The following AGBL1 variants were observed in gnomAD, a reference collection of about 807,000 sequenced individuals.
AGBL1 encodes the protein AGBL carboxypeptidase 1, also known as cytosolic carboxypeptidase 4.
A neutral mutation model predicts 118.9 loss-of-function variants in AGBL1; 130 were observed. That is an observed-to-expected ratio of 1.09 (90% CI 0.95 to 1.26). The LOEUF (loss-of-function observed/expected upper bound fraction) is 1.26. Among genes scored for constraint, AGBL1 ranks in the 50% most tolerant of loss-of-function variants. The pLI is 0.00. For synonymous variants in AGBL1, 555 were observed against 478.9 expected, an observed-to-expected ratio of 1.16 and a Z score of -2.08; for missense variants, 1,584 against 1,298.1, an observed-to-expected ratio of 1.22 and a Z score of -3.38.
intron 22 of AGBL1, among the ~76,000 whole-genome samples, chr15:86,700,893 G>A (rs1301478896): frequency 1.3e-5 from 2 of 152,026 alleles, no homozygotes; most frequent in African/African-American, 2.4e-5. Flanking sequence ...TGTTCATGTG[G>A]TCTCCACAAA....
At chr15:86,314,315 T>TA (rs1248819929) in intron 17 of AGBL1, among the ~76,000 whole-genome samples, 1 of 152,176 alleles carries the variant, frequency 6.6e-6, no homozygotes, top group Non-Finnish European at 1.5e-5. Flanking sequence ...TAGTTCTGTT[T>TA]AGTTATTTTT....
At chr15:86,164,257 G>C (rs1386796641) in intron 5 of AGBL1, among the ~76,000 whole-genome samples, 1 of 152,148 alleles carries the variant, frequency 6.6e-6, no homozygotes, top group East Asian at 1.9e-4. Context: ...CTTTTCTGGG[G>C]GTGCTTTTTA....
chr15:86,285,813 G>A (rs546200721), intron 16 of AGBL1, among the ~76,000 whole-genome samples: 15 of 152,126 alleles, frequency 9.9e-5, no homozygotes, highest in South Asian at 4.2e-4. Flanking sequence ...GCTTTGCCTC[G>A]TCCAACATTT....
At chr15:86,087,432 G>A (rs1024318752) in intron 1 of AGBL1, among the ~76,000 whole-genome samples, 1 of 151,426 alleles carries the variant, frequency 6.6e-6, no homozygotes, top group African/African-American at 2.4e-5. Flanking sequence ...ACATTCAAGC[G>A]ATTCTCCTGC....
chr15:86,367,118 GACAAA>G (rs2080899607), intron 17 of AGBL1, among the ~76,000 whole-genome samples: 1 of 152,156 alleles, frequency 6.6e-6, no homozygotes, highest in Non-Finnish European at 1.5e-5. Context: ...AGAACCAAGT[GACAAA>G]ACCCAATTGA....
At chr15:86,977,907 A>T (rs567689676) in intron 23 of AGBL1, among the ~76,000 whole-genome samples, 1 of 152,216 alleles carries the variant, frequency 6.6e-6, no homozygotes, top group African/African-American at 2.4e-5. Flanking sequence ...TTGATTGTGG[A>T]GCCCCAGAAG....
At chr15:86,336,788 T>C (rs963176728) in intron 17 of AGBL1, among the ~76,000 whole-genome samples, 2 of 152,198 alleles carry the variant, frequency 1.3e-5, no homozygotes, top group African/African-American at 2.4e-5. Context: ...ATAGCTCTGA[T>C]AGTTAGTTCC....
At chr15:86,578,773 A>AAGAC (rs1188475412) in intron 21 of AGBL1, among the ~76,000 whole-genome samples, 1 of 152,152 alleles carries the variant, frequency 6.6e-6, no homozygotes, top group Non-Finnish European at 1.5e-5. Flanking sequence ...CCATCCATGT[A>AAGAC]AGACGTGACT....
chr15:86,491,216 G>A (rs1351961122), intron 18 of AGBL1, among the ~76,000 whole-genome samples: 1 of 152,104 alleles, frequency 6.6e-6, no homozygotes, highest in Non-Finnish European at 1.5e-5. Flanking sequence ...AGCCAGGGTA[G>A]AAGAGAAGGG....
chr15:86,123,148 C>T (rs528458905), intron 1 of AGBL1, among the ~76,000 whole-genome samples: 62 of 152,242 alleles, frequency 4.1e-4, no homozygotes, highest in Non-Finnish European at 7.6e-4. Context: ...GAGTCGGGCA[C>T]CTTATTAGCT....
intron 17 of AGBL1, among the ~76,000 whole-genome samples, chr15:86,364,988 TACACACACAC>T (rs1226981308): frequency 0.011 from 1,088 of 101,864 alleles, 35 homozygotes; most frequent in African/African-American, 0.04. Flanking sequence ...TATATATATA[TACACACACAC>T]ATATATATAT....
At chr15:86,302,778 CAAAAAAA>C (rs11345100) in intron 17 of AGBL1, among the ~76,000 whole-genome samples, 1 of 95,928 alleles carries the variant, frequency 1.0e-5, no homozygotes, top group Non-Finnish European at 2.0e-5. Flanking sequence ...GACCCTGTCT[CAAAAAAA>C]AAAAAAAAAA....
intron 21 of AGBL1, among the ~76,000 whole-genome samples, chr15:86,653,796 A>G (rs76008081): frequency 2.0e-5 from 3 of 152,186 alleles, no homozygotes; most frequent in African/African-American, 7.2e-5. Flanking sequence ...AGAGAAATAA[A>G]CACGATCACC....
chr15:87,011,957 T>C (rs904305667), intron 24 of AGBL1, among the ~76,000 whole-genome samples: 1 of 152,132 alleles, frequency 6.6e-6, no homozygotes, highest in Non-Finnish European at 1.5e-5. Flanking sequence ...TTCCGTTTAC[T>C]TTCCATAGAG....
chr15:86,628,829 T>G (rs2084925222), intron 21 of AGBL1, among the ~76,000 whole-genome samples: 1 of 152,186 alleles, frequency 6.6e-6, no homozygotes, highest in African/African-American at 2.4e-5. Context: ...TTTGATTTAT[T>G]TTTAAATGTC....
At chr15:86,940,026 C>T (rs2080729439) in intron 23 of AGBL1, among the ~76,000 whole-genome samples, 1 of 145,566 alleles carries the variant, frequency 6.9e-6, no homozygotes, top group African/African-American at 2.5e-5. Flanking sequence ...GAACTACAGG[C>T]ATGTGTCAAC....
rs569355415 is a variant in AGBL1 at position 86,611,321 on chromosome 15, G to A, written c.2994+56784G>A. Among the ~76,000 whole-genome samples, 8 of 152,264 alleles carry A rather than the reference G, an allele frequency of 5.3e-5. No homozygotes were observed. In the East Asian group the frequency reaches 9.7e-4, roughly 18 times the overall value. ...GTCACCAATATATTTGCATATTTGCGATGTGCAGCCATCTTAAATTAGCAG... is the reference window on the plus strand; with the variant it reads ...GTCACCAATATATTTGCATATTTGCAATGTGCAGCCATCTTAAATTAGCAG... On this transcript the variant is annotated intron_variant, in intron 21 of 22. Coordinates refer to ENST00000614907, the MANE Select transcript of AGBL1 (RefSeq NM_001386094.1).
At chr15:87,011,608 T>C (rs1444062183) in intron 24 of AGBL1, among the ~76,000 whole-genome samples, 2 of 152,154 alleles carry the variant, frequency 1.3e-5, no homozygotes, top group Non-Finnish European at 2.9e-5. Flanking sequence ...GGTACAGTCA[T>C]TATAGGAAAA....
chr15:86,617,284 C>T (rs954888018), intron 21 of AGBL1, among the ~76,000 whole-genome samples: 4 of 152,162 alleles, frequency 2.6e-5, no homozygotes, highest in African/African-American at 7.2e-5. Flanking sequence ...CGATAGCCAA[C>T]AATAATATTC....
Sources: allele counts gnomAD v4.1 joint callset (sites outside exome capture counted in the v4.1 genomes callset), GRCh38; gene constraint gnomAD v4.1.1; transcripts MANE v1.5; gene names NCBI Gene and HGNC (gene_info 2026-07-23, HGNC 2026-07-21).